The following LOC400499 variants were observed in gnomAD, a reference collection of about 807,000 sequenced individuals.
At chr16:11,432,302 G>T in the LOC400499 span, among the ~76,000 whole-genome samples, 1 of 152,216 alleles carries the variant, frequency 6.6e-6, no homozygotes, top group Non-Finnish European at 1.5e-5. Flanking sequence ...CAAAATGGTT[G>T]TTCTTTAATC....
chr16:11,424,800 T>C, the LOC400499 span, among the ~76,000 whole-genome samples: 3 of 152,038 alleles, frequency 2.0e-5, no homozygotes, highest in East Asian at 5.8e-4. Context: ...AGGGCATCCT[T>C]GGGGTCCTGG....
chr16:11,485,148 T>TATGA, the LOC400499 span: 1 of 398,462 alleles, frequency 2.5e-6, no homozygotes, highest in Non-Finnish European at 4.4e-6. Context: ...AGGCTGGGGA[T>TATGA]ATGAATGGAG....
the LOC400499 span, among the ~76,000 whole-genome samples, chr16:11,498,092 A>G: frequency 6.6e-6 from 1 of 152,252 alleles, no homozygotes; most frequent in Non-Finnish European, 1.5e-5. Flanking sequence ...AAGACAAGCC[A>G]GGAAGCACTG....
At chr16:11,467,498 G>A in the LOC400499 span, among the ~76,000 whole-genome samples, 11 of 151,954 alleles carry the variant, frequency 7.2e-5, no homozygotes, top group Non-Finnish European at 1.5e-5. Context: ...TGTAGTCCCA[G>A]CTACTCGGGA....
chr16:11,438,518 C>A, the LOC400499 span, among the ~76,000 whole-genome samples: 2 of 151,154 alleles, frequency 1.3e-5, no homozygotes, highest in Non-Finnish European at 2.9e-5. Flanking sequence ...TGCCTGTAAT[C>A]CCAGCACCTT....
the LOC400499 span, among the ~76,000 whole-genome samples, chr16:11,441,678 G>A: frequency 6.6e-6 from 1 of 152,220 alleles, no homozygotes; most frequent in Non-Finnish European, 1.5e-5. Flanking sequence ...CTATGAGACG[G>A]AGGCAGGAGG....
the LOC400499 span, chr16:11,424,086 G>T: frequency 2.5e-6 from 1 of 399,210 alleles, no homozygotes; most frequent in East Asian, 3.6e-5. Flanking sequence ...AGAGGGCCCG[G>T]GTGCAGCCCC....
the LOC400499 span, chr16:11,398,517 G>C: frequency 9.9e-5 from 122 of 1,230,612 alleles, no homozygotes; most frequent in African/African-American, 1.6e-3. Context: ...CCTCTGGAAT[G>C]AGAGGGCCTA....
chr16:11,434,342 C>A, the LOC400499 span, among the ~76,000 whole-genome samples: 1 of 152,156 alleles, frequency 6.6e-6, no homozygotes, highest in Admixed American at 6.5e-5. Context: ...AGCAACATAG[C>A]AAGACCCCGT....
the LOC400499 span, chr16:11,500,736 C>T: frequency 2.5e-6 from 1 of 398,484 alleles, no homozygotes; most frequent in Non-Finnish European, 4.4e-6. Flanking sequence ...TCACCTCCCC[C>T]ACATCTAACC....
chr16:11,406,393 CTT>C, the LOC400499 span, among the ~76,000 whole-genome samples: 1 of 152,176 alleles, frequency 6.6e-6, no homozygotes. Flanking sequence ...ACCACAGTCT[CTT>C]TACCTGCCTC....
At chr16:11,422,517 C>T in the LOC400499 span, among the ~76,000 whole-genome samples, 1 of 151,996 alleles carries the variant, frequency 6.6e-6, no homozygotes, top group Non-Finnish European at 1.5e-5. Context: ...GCGGCAGCAG[C>T]TGCGATCACT....
the LOC400499 span, among the ~76,000 whole-genome samples, chr16:11,496,247 A>G: frequency 6.6e-6 from 1 of 151,832 alleles, no homozygotes; most frequent in Non-Finnish European, 1.5e-5. Context: ...TTGTATTTTT[A>G]GTAGAGATGG....
chr16:11,409,095 T>C, the LOC400499 span, among the ~76,000 whole-genome samples: 3 of 151,740 alleles, frequency 2.0e-5, no homozygotes, highest in Admixed American at 6.6e-5. Flanking sequence ...ACCCCATCTC[T>C]ACCAAAAATA....
At chr16:11,457,530 T>C in the LOC400499 span, among the ~76,000 whole-genome samples, 2 of 149,784 alleles carry the variant, frequency 1.3e-5, no homozygotes, top group Non-Finnish European at 3.0e-5. Flanking sequence ...GAGGCAGAGC[T>C]TGCAGTGAGC....
At chr16:11,411,286 A>C in the LOC400499 span, 5 of 399,330 alleles carry the variant, frequency 1.3e-5, no homozygotes, top group East Asian at 1.8e-4. Context: ...GAGACCCAGG[A>C]GGAAGGGGAG....
chr16:11,390,309 G>C, the LOC400499 span: 39 of 1,232,982 alleles, frequency 3.2e-5, no homozygotes, highest in Middle Eastern at 3.1e-4. Context: ...TGGCCCCCAG[G>C]GCCGCCCTGA....
chr16:11,453,901 G>C, the LOC400499 span, among the ~76,000 whole-genome samples: 4 of 152,106 alleles, frequency 2.6e-5, no homozygotes, highest in Admixed American at 6.5e-5. Context: ...CTAACCAATA[G>C]GAATTTCAGA....
the LOC400499 span, chr16:11,450,756 G>A: frequency 9.1e-6 from 14 of 1,536,170 alleles, no homozygotes; most frequent in Admixed American, 3.9e-5. Context: ...ACACAGCTCG[G>A]TGTGGCCAGT....
Sources: allele counts gnomAD v4.1 joint callset (sites outside exome capture counted in the v4.1 genomes callset), GRCh38; gene constraint gnomAD v4.1.1; transcripts MANE v1.5.